SCRIB: variants seen among roughly 807,000 people sequenced by gnomAD.
SCRIB encodes scribble planar cell polarity protein.
Under a neutral mutation model 170.0 loss-of-function variants are expected in SCRIB, and 72 were observed. The observed-to-expected ratio is 0.42, with a 90% CI of 0.35 to 0.52. SCRIB has a LOEUF of 0.52. SCRIB is among the 20% of genes least tolerant of loss of function. The probability of loss-of-function intolerance (pLI) is 0.02; values close to 1 mark genes in which losing one functional copy is unlikely to be tolerated. For synonymous variants in SCRIB, 1,298 were observed against 1,044.3 expected (o/e 1.24, Z -4.68); for missense variants, 2,475 against 2,338.5 (o/e 1.06, Z -1.20).
chr8:143,808,693 C>CTCCTCCTCT lies in SCRIB; in HGVS notation c.2022_2030dup (p.Glu677_Glu679dup), dbSNP rs749923097. 6.5e-7 allele frequency: 1 copy of CTCCTCCTCT among 1,549,716 alleles called. No homozygotes were observed. Among genetic ancestry groups the CTCCTCCTCT allele is most frequent in the Non-Finnish European group, 8.7e-7 (1 of 1,150,272 alleles). ...CTTCCTCTTCAGCCCTGTTTTCCTC[C>CTCCTCCTCT]TCCTCCTCTTCCTCCTCCTCCTGAG... On this transcript the variant is annotated inframe_insertion, in exon 15 of 37. Coordinates refer to ENST00000356994, the MANE Select transcript of SCRIB (RefSeq NM_182706.5).
At chr8:143,811,463 A>T in intron 9 of SCRIB, 118 bp from the exon 10 acceptor site, 2 of 847,886 alleles carry the variant, frequency 2.4e-6, no homozygotes, top group Non-Finnish European at 3.7e-6. Flanking sequence ...GGTCCCTCAC[A>T]GCCCCTGGAG....
Position 143,791,611 on chromosome 8 carries a change from G to T in SCRIB, c.4770+55C>A, listed in dbSNP as rs927453926. On this transcript the variant is annotated intron_variant, in intron 35 of 36. Transcript: ENST00000356994. ...GGAGGCCCTGCGGGAGCGGATGGGG[G>T]CGGTGGCAGGCACGGACAGGGTGGC... 3 of 1,523,128 alleles carry T rather than the reference G, an allele frequency of 2.0e-6. No individual in the cohort carries two copies. The African/African-American group carries it at 4.1e-5, about 21-fold the overall frequency. The allele number at this position is 1,523,128 out of a possible 1,614,324, so 94.4% of individuals were successfully genotyped here.
intron 8 of SCRIB, 126 bp downstream of exon 8, chr8:143,812,691 C>T: frequency 7.7e-7 from 1 of 1,302,334 alleles, no homozygotes; most frequent in Non-Finnish European, 1.1e-6. Flanking sequence ...CCAGGGACAG[C>T]TCCCAGAGCC....
intron 24 of SCRIB, among the ~76,000 whole-genome samples, chr8:143,796,605 C>T (rs142006784): frequency 0.016 from 2,375 of 152,286 alleles, 31 homozygotes; most frequent in Non-Finnish European, 0.023. Context: ...CAACTGTAAG[C>T]GCTCAACAAG....
intron 34 of SCRIB, 30 bp from the exon 35 acceptor site, chr8:143,791,770 GA>G: frequency 1.3e-6 from 2 of 1,493,924 alleles, no homozygotes; most frequent in Non-Finnish European, 1.9e-6. Flanking sequence ...GGGAGAGGCA[GA>G]GAGTGAGAGG....
At position 143,815,195 on chromosome 8, in the gene SCRIB, G is replaced by A; in HGVS notation, c.159+19C>T. ...GCTGGGGGCGCGCCTTTGGGCGGCAGGTGCGGGCGGCCGCTCACCTTGGGC... is the reference window on the plus strand; with the variant it reads ...GCTGGGGGCGCGCCTTTGGGCGGCAAGTGCGGGCGGCCGCTCACCTTGGGC... On this transcript the variant is annotated intron_variant, in intron 1 of 36. Transcript: ENST00000356994. 1.9e-6 allele frequency: 3 copies of A among 1,553,284 alleles called. No homozygotes were observed. Among genetic ancestry groups the A allele is most frequent in the Non-Finnish European group, 2.6e-6 (3 of 1,156,804 alleles).
chr8:143,815,124 C>T, intron 1 of SCRIB, 90 bp downstream of exon 1: 5 of 1,369,554 alleles, frequency 3.7e-6, no homozygotes, highest in Non-Finnish European at 4.8e-6. Context: ...CGGCTGGAGG[C>T]TGCGGTGACT....
Position 143,812,809 on chromosome 8 carries a change from A to G in SCRIB, c.787+8T>C. Reference sequence around the variant, plus strand: ...GTGCCCCACCCAGGCACCCCCAGGCACACTAACCGATGCCGTCGGGCAGCC... The same window carrying G: ...GTGCCCCACCCAGGCACCCCCAGGCGCACTAACCGATGCCGTCGGGCAGCC... On this transcript the variant is annotated splice_region_variant and intron_variant, in intron 8 of 36. Transcript: ENST00000356994. 1 of 1,596,632 alleles carries G rather than the reference A, an allele frequency of 6.3e-7. No homozygotes were observed. Among genetic ancestry groups the G allele is most frequent in the Non-Finnish European group, 8.5e-7 (1 of 1,177,298 alleles).
intron 24 of SCRIB, among the ~76,000 whole-genome samples, chr8:143,801,274 G>A (rs939157789): frequency 1.3e-5 from 2 of 152,230 alleles, no homozygotes; most frequent in Admixed American, 6.5e-5. Context: ...TGGCTTGAGC[G>A]CAGGAGGCGG....
At position 143,805,130 on chromosome 8, in the gene SCRIB, G is replaced by A. The variant is rs782330481; in HGVS notation, c.2652C>T (p.Pro884=). 13 of 1,591,488 alleles carry A rather than the reference G, an allele frequency of 8.2e-6. No homozygotes were observed. The highest frequency in any genetic ancestry group is 1.0e-5 in the Non-Finnish European group (12 of 1,168,102). The change falls in exon 19 of 37, where the codon CCC becomes CCT. Residue 884 remains proline (P), a synonymous_variant. Coordinates refer to ENST00000356994, the MANE Select transcript of SCRIB (RefSeq NM_182706.5). The part of the protein sequence containing the change: ...FSIAGGKGST[P]YRAGDAGIFV... Reference sequence around the variant, plus strand: ...GCCTCACCGCATCACCAGCCCTGTAGGGTGTGGAGCCTTTCCCACCAGCAA... The same window carrying A: ...GCCTCACCGCATCACCAGCCCTGTAAGGTGTGGAGCCTTTCCCACCAGCAA...
At position 143,793,651 on chromosome 8, in the gene SCRIB, G is replaced by A. The variant is rs1814811351; in HGVS notation, c.3909+249C>T. The A allele has an allele frequency of 6.3e-6, 3 of 477,520 alleles. No individual in the cohort carries two copies. In the Admixed American group the frequency reaches 1.0e-4, roughly 16 times the overall value. The allele number at this position is 477,520 out of a possible 1,614,324, so 29.6% of individuals were successfully genotyped here. On this transcript the variant is annotated intron_variant, in intron 28 of 36. Coordinates refer to ENST00000356994, the MANE Select transcript of SCRIB (RefSeq NM_182706.5). ...GCCTGAGACACTGACTGGGGTCTCA[G>A]GAGCTTGAGCCCCTCCAGGAACAGC...
Position 143,808,722 on chromosome 8 carries a change from T to C in SCRIB, c.2002A>G (p.Ser668Gly). The change falls in exon 15 of 37, where the codon AGT (serine) becomes GGT (glycine). Residue 668 changes from serine (S) to glycine (G), a missense_variant. By Grantham distance (56) the Ser-to-Gly change is moderately conservative. Around this residue, in one of 3 missense-constraint regions of SCRIB, gnomAD observed 1,966 missense variants for 1,742.9 expected, o/e 1.13. Transcript: ENST00000356994. ...TCCTCTTCCTCCTCCTCCTGAGGACTACCCTCTTCCTCCTCCTCCTCCTCC... is the reference window on the plus strand; with the variant it reads ...TCCTCTTCCTCCTCCTCCTGAGGACCACCCTCTTCCTCCTCCTCCTCCTCC... ...QKEEEEEEEGSPQEEEEEEEE... is the reference protein window; with the variant it reads ...QKEEEEEEEGGPQEEEEEEEE... 1.3e-6 allele frequency: 2 copies of C among 1,592,238 alleles called. No homozygotes were observed. Among genetic ancestry groups the C allele is most frequent in the Non-Finnish European group, 1.7e-6 (2 of 1,169,002 alleles).
intron 27 of SCRIB, among the ~76,000 whole-genome samples, chr8:143,794,546 C>G (rs903908755): frequency 6.6e-6 from 1 of 152,124 alleles, no homozygotes; most frequent in Non-Finnish European, 1.5e-5. Context: ...TCGGCACTCA[C>G]GTTCGGTGGG....
intron 13 of SCRIB, 80 bp downstream of exon 13, chr8:143,810,399 C>T (rs942125591): frequency 2.6e-6 from 4 of 1,558,504 alleles, no homozygotes; most frequent in South Asian, 1.2e-5. Flanking sequence ...CTGGCCCTCA[C>T]AGCCCCACTC....
chr8:143,792,438 AG>A, intron 31 of SCRIB, 33 bp from the exon 32 acceptor site: 2 of 1,485,050 alleles, frequency 1.3e-6, no homozygotes, highest in Non-Finnish European at 1.8e-6. Context: ...TGTGGGGGGC[AG>A]GGGCACGTGG....
At chr8:143,802,719 T>G (rs936955249) in intron 24 of SCRIB, among the ~76,000 whole-genome samples, 1 of 152,320 alleles carries the variant, frequency 6.6e-6, no homozygotes, top group East Asian at 1.9e-4. Flanking sequence ...GGAAGGGAGA[T>G]GGGAGCCCCC....
Position 143,808,768 on chromosome 8 carries a change from G to A in SCRIB, c.1956C>T (p.Pro652=), listed in dbSNP as rs552624529. The part of the protein sequence containing the change: ...PGGWHNGPHA[P]WAPRAQKEEE... ...CCTCCTTCTGGGCCCGAGGAGCCCA[G>A]GGTGCGTGGGGGCCATTGTGCCAGC... The change falls in exon 15 of 37, where the codon CCC becomes CCT. Residue 652 remains proline, a synonymous_variant. Coordinates refer to ENST00000356994, the MANE Select transcript of SCRIB (RefSeq NM_182706.5). 9 of 1,609,698 alleles carry A rather than the reference G, an allele frequency of 5.6e-6. No individual in the cohort carries two copies. The South Asian group carries it at 7.7e-5, about 14-fold the overall frequency.
intron 27 of SCRIB, 94 bp downstream of exon 27, chr8:143,794,944 G>C: frequency 7.7e-7 from 1 of 1,296,372 alleles, no homozygotes; most frequent in East Asian, 2.3e-5. Context: ...CCGCCCAAAG[G>C]TTCCCTCCCG....
chr8:143,800,392 C>A (rs1554634781), intron 24 of SCRIB, among the ~76,000 whole-genome samples: 1 of 152,184 alleles, frequency 6.6e-6, no homozygotes, highest in Non-Finnish European at 1.5e-5. Context: ...CAGAGCTGAG[C>A]ACAAGACAAG....
Sources: allele counts gnomAD v4.1 joint callset (sites outside exome capture counted in the v4.1 genomes callset), GRCh38; gene constraint gnomAD v4.1.1; regional missense constraint gnomAD v4.1.1; transcripts MANE v1.5; gene names NCBI Gene and HGNC (gene_info 2026-07-23, HGNC 2026-07-21).